SLC14A2: variants seen among roughly 807,000 people sequenced by gnomAD.
The protein encoded by SLC14A2 is urea transporter 2.
SLC14A2 carries 91 observed loss-of-function variants against 104.6 expected under a neutral mutation model. The observed-to-expected ratio is 0.87, with a 90% CI of 0.73 to 1.04. The LOEUF is 1.04. Among genes scored for constraint, SLC14A2 ranks in the 50% least tolerant of loss-of-function variants. SLC14A2 has a pLI of 0.00. For synonymous variants in SLC14A2, 476 were observed against 466.4 expected, an observed-to-expected ratio of 1.02 and a Z score of -0.27; for missense variants, 1,189 against 1,156.0, an observed-to-expected ratio of 1.03 and a Z score of -0.41.
At chr18:45,519,261 C>T (rs2043483378) in intron 2 of SLC14A2, among the ~76,000 whole-genome samples, 1 of 152,116 alleles carries the variant, frequency 6.6e-6, no homozygotes, top group Non-Finnish European at 1.5e-5. Context: ...TGAACAGAAA[C>T]CCATGAAGGC....
intron 16 of SLC14A2, among the ~76,000 whole-genome samples, chr18:45,670,021 A>G (rs1322531112): frequency 6.6e-6 from 1 of 152,186 alleles, no homozygotes; most frequent in Non-Finnish European, 1.5e-5. Context: ...CCAGCTACTC[A>G]GAAGGCTGAG....
At chr18:45,353,634 C>T (rs2085523305) in intron 1 of SLC14A2, among the ~76,000 whole-genome samples, 1 of 152,188 alleles carries the variant, frequency 6.6e-6, no homozygotes, top group South Asian at 2.1e-4. Context: ...TTCCTTCCCA[C>T]CACATCGTTA....
chr18:45,644,092 C>T lies in SLC14A2; in HGVS notation c.1283C>T (p.Thr428Ile), dbSNP rs1414294308. 1 of 1,614,252 alleles carries T rather than the reference C, an allele frequency of 6.2e-7. No individual in the cohort carries two copies. ...TTCAGACTCCCACTCAGCAAAGTCACCTACCCCGAGGCCAACCGCATCTAC... is the reference window on the plus strand; with the variant it reads ...TTCAGACTCCCACTCAGCAAAGTCATCTACCCCGAGGCCAACCGCATCTAC... ...AIFRLPLSKV[T>I]YPEANRIYYL... The change falls in exon 10 of 20, where the codon ACC (threonine) becomes ATC (isoleucine). Residue 428 changes from threonine (T) to isoleucine (I), a missense_variant. Physicochemically the swap from Thr to Ile is moderately conservative, Grantham distance 89. Transcript: ENST00000255226.
chr18:45,461,410 C>A (rs2087042797), intron 1 of SLC14A2, among the ~76,000 whole-genome samples: 1 of 152,202 alleles, frequency 6.6e-6, no homozygotes, highest in African/African-American at 2.4e-5. Context: ...ATTTCTCTTT[C>A]TTCCTCCCCT....
At chr18:45,609,205 C>A (rs1029851500) in intron 2 of SLC14A2, among the ~76,000 whole-genome samples, 4 of 152,110 alleles carry the variant, frequency 2.6e-5, no homozygotes, top group Non-Finnish European at 5.9e-5. Context: ...CTTGGCACAT[C>A]CCTTCCTGCC....
chr18:45,680,121 G>A (rs1298403161), intron 19 of SLC14A2, among the ~76,000 whole-genome samples: 3 of 152,310 alleles, frequency 2.0e-5, no homozygotes, highest in Admixed American at 2.0e-4. Flanking sequence ...AAACTCTGAG[G>A]GGGAATAAGG....
At chr18:45,366,052 A>G (rs1393237058) in intron 1 of SLC14A2, among the ~76,000 whole-genome samples, 1 of 151,980 alleles carries the variant, frequency 6.6e-6, no homozygotes, top group Non-Finnish European at 1.5e-5. Context: ...AAATTCCTCC[A>G]GCATGAGTAG....
chr18:45,663,426 G>C (rs1396237951), intron 10 of SLC14A2, among the ~76,000 whole-genome samples: 3 of 152,134 alleles, frequency 2.0e-5, no homozygotes, highest in Non-Finnish European at 4.4e-5. Flanking sequence ...GGCAGTTTTG[G>C]AACTCCCTGC....
At chr18:45,474,472 C>T (rs2087318757) in intron 1 of SLC14A2, among the ~76,000 whole-genome samples, 1 of 152,072 alleles carries the variant, frequency 6.6e-6, no homozygotes, top group African/African-American at 2.4e-5. Context: ...CTCTTTGTAC[C>T]TCTGGTATAA....
At chr18:45,674,825 A>G (rs2144654593) in intron 18 of SLC14A2, among the ~76,000 whole-genome samples, 1 of 152,344 alleles carries the variant, frequency 6.6e-6, no homozygotes, top group Non-Finnish European at 1.5e-5. Flanking sequence ...AAATTTAAGG[A>G]GGTGCTTACT....
chr18:45,566,851 T>C (rs1246122910), intron 2 of SLC14A2, among the ~76,000 whole-genome samples: 1 of 152,234 alleles, frequency 6.6e-6, no homozygotes, highest in African/African-American at 2.4e-5. Context: ...TGGTGAGGGC[T>C]AGAAGTCAAG....
At chr18:45,338,689 A>T (rs1317257362) in intron 1 of SLC14A2, among the ~76,000 whole-genome samples, 1 of 115,034 alleles carries the variant, frequency 8.7e-6, no homozygotes, top group Non-Finnish European at 2.1e-5. Context: ...TCACAAAAAA[A>T]AAAAAAAAAA....
chr18:45,418,438 T>G (rs896266379), intron 1 of SLC14A2, among the ~76,000 whole-genome samples: 1 of 152,170 alleles, frequency 6.6e-6, no homozygotes, highest in African/African-American at 2.4e-5. Flanking sequence ...GGCTGGTGAT[T>G]GGAAGGAGAG....
intron 1 of SLC14A2, among the ~76,000 whole-genome samples, chr18:45,281,621 C>T (rs2084763349): frequency 2.6e-5 from 4 of 152,032 alleles, no homozygotes; most frequent in Admixed American, 1.3e-4. Flanking sequence ...TCTCTCCTCT[C>T]TTGAGGGCTG....
At chr18:45,607,926 T>A (rs559843499) in intron 2 of SLC14A2, among the ~76,000 whole-genome samples, 1 of 152,190 alleles carries the variant, frequency 6.6e-6, no homozygotes, top group Non-Finnish European at 1.5e-5. Context: ...GGCAGTAGTT[T>A]CCCCCAGAGC....
chr18:45,634,927 T>C (rs1411636955), intron 5 of SLC14A2: 2 of 455,664 alleles, frequency 4.4e-6, no homozygotes, highest in Non-Finnish European at 8.8e-6. Flanking sequence ...AGTGTTTAGA[T>C]TAGAGTGATA....
At chr18:45,219,030 A>G (rs1274163100) in intron 1 of SLC14A2, among the ~76,000 whole-genome samples, 1 of 152,220 alleles carries the variant, frequency 6.6e-6, no homozygotes, top group East Asian at 1.9e-4. Flanking sequence ...CTTTAAGAAG[A>G]TAACAAAAGT....
chr18:45,490,941 C>A (rs566279339), intron 2 of SLC14A2, among the ~76,000 whole-genome samples: 23 of 152,198 alleles, frequency 1.5e-4, no homozygotes, highest in Non-Finnish European at 2.9e-4. Context: ...ACCTATTCAA[C>A]TGTCAAAAAT....
At chr18:45,353,096 C>G (rs1372130951) in intron 1 of SLC14A2, among the ~76,000 whole-genome samples, 1 of 152,170 alleles carries the variant, frequency 6.6e-6, no homozygotes, top group Non-Finnish European at 1.5e-5. Context: ...TTGGCCAAGA[C>G]TCAGCTATTG....
Sources: gnomAD v4.1 joint callset for allele counts (sites outside exome capture counted in the v4.1 genomes callset) on GRCh38, gnomAD v4.1.1 for gene constraint, MANE v1.5 for transcripts, NCBI Gene and HGNC (gene_info 2026-07-23, HGNC 2026-07-21) for gene names.